RAMP1: variants seen among roughly 807,000 people sequenced by gnomAD.
RAMP1 encodes receptor activity modifying protein 1.
Under a neutral mutation model 8.2 loss-of-function variants are expected in RAMP1, and 7 were observed. The observed-to-expected ratio is 0.85, with a 90% CI of 0.49 to 1.60. The LOEUF (loss-of-function observed/expected upper bound fraction) is 1.60. Ranked by LOEUF, RAMP1 falls within the 40% of genes most tolerant of loss-of-function variation. The probability of loss-of-function intolerance (pLI) is 0.00; values close to 1 mark genes in which losing one functional copy is unlikely to be tolerated. For missense variants in RAMP1, 192 were observed against 202.4 expected (o/e 0.95, Z 0.31); for synonymous variants, 92 against 84.7 (o/e 1.09, Z -0.47).
intron 2 of RAMP1, among the ~76,000 whole-genome samples, chr2:237,886,761 C>G (rs1447166672): frequency 6.6e-6 from 1 of 152,258 alleles, no homozygotes; most frequent in Admixed American, 6.5e-5. Context: ...TGATTAACTG[C>G]CTGGTTTCAC....
rs892940118 is a variant in RAMP1 at position 237,878,154 on chromosome 2, G to A, written c.191+792G>A. ...TGCATGCGTGGAGCTGAAGGCCACC[G>A]CCTCCCTGCCATGCAAACTTCGCAC... On this transcript the variant is annotated intron_variant, in intron 2 of 2. Transcript: ENST00000254661. This position sits in a 1 kb window ranked among gnomAD's most constrained non-coding sequence, Gnocchi z 5.7. 16 of 985,452 alleles carry A rather than the reference G, an allele frequency of 1.6e-5. No homozygotes were observed. The highest frequency in any genetic ancestry group is 1.7e-5 in the Non-Finnish European group (14 of 829,924). The allele number at this position is 985,452 out of a possible 1,614,324, so 61.0% of individuals were successfully genotyped here.
intron 1 of RAMP1, among the ~76,000 whole-genome samples, chr2:237,863,493 GC>G (rs2062151075): frequency 6.6e-6 from 1 of 152,220 alleles, no homozygotes; most frequent in South Asian, 2.1e-4. Flanking sequence ...TGAGGAGGAT[GC>G]GTCAACACGG....
chr2:237,863,625 C>T (rs899335143), intron 1 of RAMP1, among the ~76,000 whole-genome samples: 10 of 152,142 alleles, frequency 6.6e-5, no homozygotes, highest in African/African-American at 2.4e-4. Flanking sequence ...CTGGGGCATC[C>T]GAAAGGCATC....
chr2:237,867,356 G>C (rs1054446395), intron 1 of RAMP1, among the ~76,000 whole-genome samples: 27 of 152,158 alleles, frequency 1.8e-4, no homozygotes, highest in African/African-American at 5.8e-4. Context: ...CTGTCTCAGT[G>C]GCGGCAGCGG....
In RAMP1 at chr2:237,909,133, C is replaced by G. The variant is rs531678358; in HGVS notation, c.192-2395C>G. Among the ~76,000 whole-genome samples, 173 of 152,254 alleles carry G rather than the reference C, an allele frequency of 1.1e-3. 1 individual carries two copies. Among genetic ancestry groups the G allele is most frequent in the African/African-American group, 4.0e-3 (168 of 41,532 alleles). Reference sequence around the variant, plus strand: ...TTACGGATGCCCACTGTGGCCTCAACCCCCAGTGAGTGCAACTTGGACCCA... The same window carrying G: ...TTACGGATGCCCACTGTGGCCTCAAGCCCCAGTGAGTGCAACTTGGACCCA... On this transcript the variant is annotated intron_variant, in intron 2 of 2. Transcript: ENST00000254661.
chr2:237,880,339 C>G (rs1049118961), intron 2 of RAMP1, among the ~76,000 whole-genome samples: 13 of 152,168 alleles, frequency 8.5e-5, no homozygotes, highest in African/African-American at 3.1e-4. Flanking sequence ...TCGACATTGC[C>G]CCTGGCTGTT....
chr2:237,899,302 C>G lies in RAMP1; in HGVS notation c.192-12226C>G, dbSNP rs563005796. On this transcript the variant is annotated intron_variant, in intron 2 of 2. Transcript: ENST00000254661. ...CCCAGGCTGGTCGCGAACTCCTGACCTCAGGTGACCCGCCCGCCTCGGCCT... is the reference window on the plus strand; with the variant it reads ...CCCAGGCTGGTCGCGAACTCCTGACGTCAGGTGACCCGCCCGCCTCGGCCT... 3.9e-4 allele frequency among the ~76,000 whole-genome samples: 59 copies of G among 152,320 alleles called. No individual in the cohort carries two copies. In the Middle Eastern group the frequency reaches 0.017, roughly 44 times the overall value.
chr2:237,886,081 C>T (rs1404195193), intron 2 of RAMP1, among the ~76,000 whole-genome samples: 4 of 152,306 alleles, frequency 2.6e-5, no homozygotes, highest in African/African-American at 4.8e-5. Context: ...CCCCTGAGGA[C>T]GCCACTCCTG....
intron 2 of RAMP1, among the ~76,000 whole-genome samples, chr2:237,908,564 C>T (rs10460271): frequency 0.046 from 6,945 of 151,860 alleles, 224 homozygotes; most frequent in Middle Eastern, 0.11. Flanking sequence ...CAGACTCCCT[C>T]GTAGCTGGGA....
chr2:237,870,828 G>A (rs2151005221), intron 1 of RAMP1, among the ~76,000 whole-genome samples: 1 of 152,290 alleles, frequency 6.6e-6, no homozygotes, highest in East Asian at 1.9e-4. Flanking sequence ...GGAAGGGCCT[G>A]GGCATTTCCA....
chr2:237,886,572 C>T (rs886664312), intron 2 of RAMP1, among the ~76,000 whole-genome samples: 28 of 152,128 alleles, frequency 1.8e-4, no homozygotes, highest in African/African-American at 5.3e-4. Context: ...GGGGCTGGAG[C>T]GGGCGACTGC....
At chr2:237,885,634 G>A (rs764293068) in intron 2 of RAMP1, among the ~76,000 whole-genome samples, 1 of 152,204 alleles carries the variant, frequency 6.6e-6, no homozygotes, top group Non-Finnish European at 1.5e-5. Flanking sequence ...GGTCTCAGAG[G>A]ATCCAAAGGC....
At position 237,878,842 on chromosome 2, in the gene RAMP1, C is replaced by T. The variant is rs1252626212; in HGVS notation, c.191+1480C>T. On this transcript the variant is annotated intron_variant, in intron 2 of 2. Coordinates refer to ENST00000254661, the MANE Select transcript of RAMP1 (RefSeq NM_005855.4). The surrounding 1 kb of genome is among the most constrained non-coding windows in gnomAD (Gnocchi z 5.7). ...AACAGAAACTCCGTACCCTCTGCTC[C>T]AGTTCAGGTGGGAGAGTTGGTGCTC... 6.6e-6 allele frequency among the ~76,000 whole-genome samples: 1 copy of T among 152,224 alleles called. No individual in the cohort carries two copies. Among genetic ancestry groups the T allele is most frequent in the African/African-American group, 2.4e-5 (1 of 41,468 alleles).
At chr2:237,904,279 C>T (rs111799406) in intron 2 of RAMP1, among the ~76,000 whole-genome samples, 19,726 of 150,398 alleles carry the variant, frequency 0.13, 1,549 homozygotes, top group South Asian at 0.21. Context: ...ATAGCCAGGG[C>T]GTGGTGGCGG....
At chr2:237,867,134 C>G (rs1182226831) in intron 1 of RAMP1, among the ~76,000 whole-genome samples, 1 of 152,076 alleles carries the variant, frequency 6.6e-6, no homozygotes, top group Non-Finnish European at 1.5e-5. Flanking sequence ...TTTTGGGAGG[C>G]CAAGGTGGGA....
At chr2:237,885,310 T>C (rs2062416957) in intron 2 of RAMP1, among the ~76,000 whole-genome samples, 1 of 152,186 alleles carries the variant, frequency 6.6e-6, no homozygotes, top group Non-Finnish European at 1.5e-5. Flanking sequence ...CGGGATGGGC[T>C]GTTCACAGAG....
intron 1 of RAMP1, among the ~76,000 whole-genome samples, chr2:237,876,077 G>A (rs924057345): frequency 5.9e-5 from 9 of 152,156 alleles, no homozygotes; most frequent in African/African-American, 1.7e-4. Flanking sequence ...ACTTTGAGGC[G>A]GCTGTGTGTG....
At chr2:237,882,956 C>T (rs898366163) in intron 2 of RAMP1, among the ~76,000 whole-genome samples, 18 of 152,166 alleles carry the variant, frequency 1.2e-4, no homozygotes, top group Middle Eastern at 3.2e-3. Context: ...AGGGTCCCAG[C>T]TGGTCTCAAG....
intron 2 of RAMP1, among the ~76,000 whole-genome samples, chr2:237,900,228 C>T (rs1008828014): frequency 1.7e-4 from 26 of 152,140 alleles, no homozygotes; most frequent in African/African-American, 5.6e-4. Context: ...GGCACGATCT[C>T]GACTCACTGC....
Sources: gnomAD v4.1 joint callset for allele counts (sites outside exome capture counted in the v4.1 genomes callset) on GRCh38, gnomAD v4.1.1 for gene constraint, Gnocchi (gnomAD v3.1) non-coding constraint, MANE v1.5 for transcripts, NCBI Gene and HGNC (gene_info 2026-07-23, HGNC 2026-07-21) for gene names.